Variants in ESCO1 observed in about 807,000 individuals in gnomAD.
ESCO1 encodes the protein establishment of sister chromatid cohesion N-acetyltransferase 1.
Under a neutral mutation model 83.5 loss-of-function variants are expected in ESCO1, and 33 were observed. That is an observed-to-expected ratio of 0.40 (90% CI 0.30 to 0.53). The LOEUF is 0.53. ESCO1 is among the 20% of genes least tolerant of loss of function. The pLI is 0.63. For synonymous variants in ESCO1, 332 were observed against 324.3 expected (o/e 1.02, Z -0.25); for missense variants, 855 against 968.0 (o/e 0.88, Z 1.55).
intron 8 of ESCO1, among the ~76,000 whole-genome samples, chr18:21,542,077 C>CT (rs1172036563): frequency 6.6e-6 from 1 of 152,050 alleles, no homozygotes; most frequent in African/African-American, 2.4e-5. Flanking sequence ...TAAATAGTAC[C>CT]TTTTTTTCAT....
intron 8 of ESCO1, among the ~76,000 whole-genome samples, chr18:21,541,592 C>CAAA (rs58040604): frequency 4.6e-5 from 4 of 86,738 alleles, no homozygotes; most frequent in Non-Finnish European, 1.0e-4. Flanking sequence ...GACACTGTCC[C>CAAA]AAAAAAAAAA....
At chr18:21,585,734 A>T (rs1342694796) in intron 1 of ESCO1, among the ~76,000 whole-genome samples, 1 of 152,110 alleles carries the variant, frequency 6.6e-6, no homozygotes. Context: ...CTGAGACCAC[A>T]GGTACATGCC....
intron 5 of ESCO1, 75 bp from the exon 6 acceptor site, chr18:21,566,281 T>C (rs549557313): frequency 6.6e-6 from 9 of 1,373,394 alleles, no homozygotes; most frequent in East Asian, 4.7e-5. Flanking sequence ...AAAATCATTA[T>C]ACATAAAGAA....
At position 21,570,944 on chromosome 18, in the gene ESCO1, C is replaced by T. The variant is rs2038332294; in HGVS notation, c.1530+2370G>A. On this transcript the variant is annotated intron_variant, in intron 4 of 11. Coordinates refer to ENST00000269214, the MANE Select transcript of ESCO1 (RefSeq NM_052911.3). Reference sequence around the variant, plus strand: ...GTGAGCCGAGATGCACCACTGCACTCCAGCCGGGGTGACAGAGTGAGACTT... The same window carrying T: ...GTGAGCCGAGATGCACCACTGCACTTCAGCCGGGGTGACAGAGTGAGACTT... Among the ~76,000 whole-genome samples, 6 of 150,760 alleles carry T rather than the reference C, an allele frequency of 4.0e-5. No individual in the cohort carries two copies. In the South Asian group the frequency reaches 1.3e-3, roughly 32 times the overall value.
chr18:21,590,863 T>C (rs929634518), intron 1 of ESCO1, among the ~76,000 whole-genome samples: 1 of 151,676 alleles, frequency 6.6e-6, no homozygotes, highest in East Asian at 2.0e-4. Context: ...CAGAACTGCT[T>C]GAACCCAGGA....
intron 10 of ESCO1, 151 bp from the exon 11 acceptor site, chr18:21,532,811 C>A: frequency 2.9e-6 from 2 of 681,080 alleles, no homozygotes; most frequent in South Asian, 2.3e-5. Context: ...AACAGACAAT[C>A]TGGATCTGCA....
At chr18:21,542,835 C>T (rs2037923969) in intron 8 of ESCO1, among the ~76,000 whole-genome samples, 1 of 152,306 alleles carries the variant, frequency 6.6e-6, no homozygotes, top group South Asian at 2.1e-4. Context: ...TTCAGAGAAA[C>T]TTAGAGGCGA....
At chr18:21,561,486 G>T (rs566858163) in intron 7 of ESCO1, among the ~76,000 whole-genome samples, 55 of 152,238 alleles carry the variant, frequency 3.6e-4, no homozygotes, top group East Asian at 1.2e-3. Flanking sequence ...GGAGTGCAGT[G>T]GCATGATCTT....
intron 8 of ESCO1, among the ~76,000 whole-genome samples, chr18:21,553,858 C>CT (rs1315885119): frequency 4.2e-5 from 6 of 143,296 alleles, no homozygotes; most frequent in Non-Finnish European, 6.1e-5. Flanking sequence ...GAAGGAAACT[C>CT]TGTCAAAAAA....
At chr18:21,538,333 A>C (rs2037862432) in intron 9 of ESCO1, among the ~76,000 whole-genome samples, 1 of 151,668 alleles carries the variant, frequency 6.6e-6, no homozygotes, top group African/African-American at 2.4e-5. Flanking sequence ...TTTTGGCTGC[A>C]TGAGAAGCCA....
intron 4 of ESCO1, among the ~76,000 whole-genome samples, chr18:21,571,031 A>G (rs2038333862): frequency 6.6e-6 from 1 of 152,064 alleles, no homozygotes; most frequent in African/African-American, 2.4e-5. Context: ...ACCTTTTGTA[A>G]CTTTAAAGGA....
At chr18:21,592,650 G>A (rs2038695050) in intron 1 of ESCO1, among the ~76,000 whole-genome samples, 1 of 148,726 alleles carries the variant, frequency 6.7e-6, no homozygotes, top group African/African-American at 2.5e-5. Context: ...CCTGGCGCGG[G>A]CTGACCCCCA....
At chr18:21,558,462 T>C (rs2038140415) in intron 8 of ESCO1, among the ~76,000 whole-genome samples, 1 of 152,120 alleles carries the variant, frequency 6.6e-6, no homozygotes, top group African/African-American at 2.4e-5. Context: ...AGCGTAGTAG[T>C]TCATGCCTGT....
At chr18:21,559,499 G>C (rs1188636635) in intron 8 of ESCO1, among the ~76,000 whole-genome samples, 1 of 152,232 alleles carries the variant, frequency 6.6e-6, no homozygotes, top group East Asian at 1.9e-4. Flanking sequence ...TTTTCCTTAA[G>C]GTGAAGAATT....
chr18:21,558,766 T>C (rs1462624359), intron 8 of ESCO1, among the ~76,000 whole-genome samples: 1 of 150,374 alleles, frequency 6.7e-6, no homozygotes, highest in Non-Finnish European at 1.5e-5. Context: ...TAAGTAAAAC[T>C]AGTTGTTTCT....
intron 11 of ESCO1, 28 bp from the exon 12 acceptor site, chr18:21,530,518 G>T: frequency 3.6e-6 from 5 of 1,392,224 alleles, no homozygotes; most frequent in African/African-American, 1.6e-5. Flanking sequence ...GGGGGGGGAA[G>T]GGTTAAGTGT....
intron 1 of ESCO1, among the ~76,000 whole-genome samples, chr18:21,599,870 T>G (rs569949230): frequency 6.6e-5 from 10 of 152,126 alleles, no homozygotes; most frequent in African/African-American, 2.2e-4. Context: ...TAAACCCCCA[T>G]AGTAAAATAA....
intron 1 of ESCO1, among the ~76,000 whole-genome samples, chr18:21,599,911 A>G (rs1297716523): frequency 1.3e-5 from 2 of 152,130 alleles, no homozygotes; most frequent in Non-Finnish European, 2.9e-5. Flanking sequence ...CGAGGACCCA[A>G]TTCTCTTTGG....
intron 1 of ESCO1, among the ~76,000 whole-genome samples, chr18:21,592,611 C>T (rs2038693590): frequency 6.7e-6 from 1 of 149,342 alleles, no homozygotes; most frequent in African/African-American, 2.5e-5. Flanking sequence ...GGCTGACCCC[C>T]CCACCTCCCT....
Sources: allele counts gnomAD v4.1 joint callset (sites outside exome capture counted in the v4.1 genomes callset), GRCh38; gene constraint gnomAD v4.1.1; transcripts MANE v1.5; gene names NCBI Gene and HGNC (gene_info 2026-07-23, HGNC 2026-07-21).